Variants in EHBP1 observed in about 807,000 individuals in gnomAD.
The protein encoded by EHBP1 is EH domain binding protein 1.
In EHBP1, 55 loss-of-function variants were observed where a neutral mutation model predicts 144.0. The observed-to-expected ratio is 0.38, with a 90% confidence interval of 0.31 to 0.48. The LOEUF (loss-of-function observed/expected upper bound fraction) is 0.48, where lower values mean the gene tolerates loss of function less well. Among genes scored for constraint, EHBP1 ranks in the 20% least tolerant of loss-of-function variants. EHBP1 has a pLI of 0.98. For missense variants in EHBP1, 1,200 were observed against 1,364.2 expected (o/e 0.88, Z 1.90); for synonymous variants, 469 against 472.7 (o/e 0.99, Z 0.10).
intron 19 of EHBP1, among the ~76,000 whole-genome samples, chr2:63,024,008 G>C (rs375123985): frequency 1.3e-5 from 2 of 152,066 alleles, no homozygotes; most frequent in African/African-American, 4.8e-5. Flanking sequence ...CCAATGCAAG[G>C]TCTGGTGGTT....
At chr2:62,723,018 A>G (rs967343641) in intron 2 of EHBP1, among the ~76,000 whole-genome samples, 3 of 152,188 alleles carry the variant, frequency 2.0e-5, no homozygotes, top group African/African-American at 7.2e-5. Context: ...GATGTCTATG[A>G]GGTCCATTTG....
rs2056832491 is a variant in EHBP1, at chr2:62,942,710, T to G, written c.1186-8T>G. 1.9e-6 allele frequency: 3 copies of G among 1,553,788 alleles called. No homozygotes were observed. In the East Asian group the frequency reaches 6.8e-5, roughly 35 times the overall value. ...TTTTAATGTTTTCCCCTTTTCATTTTTTTCTAGCCAAGCCCTATACCAAGT... is the reference window on the plus strand; with the variant it reads ...TTTTAATGTTTTCCCCTTTTCATTTGTTTCTAGCCAAGCCCTATACCAAGT... On this transcript the variant is annotated splice_polypyrimidine_tract_variant and splice_region_variant and intron_variant, in intron 10 of 22. Transcript: ENST00000431489.
At chr2:62,879,638 A>G (rs1274486718) in intron 10 of EHBP1, among the ~76,000 whole-genome samples, 3 of 151,616 alleles carry the variant, frequency 2.0e-5, no homozygotes, top group East Asian at 3.9e-4. Flanking sequence ...GAGCCTATGA[A>G]TACAGCTAAC....
intron 7 of EHBP1, among the ~76,000 whole-genome samples, chr2:62,844,531 A>G (rs757009187): frequency 1.5e-4 from 23 of 152,122 alleles, no homozygotes; most frequent in Non-Finnish European, 2.5e-4. Flanking sequence ...AAATTATGAA[A>G]CCATATGGTT....
At chr2:62,945,892 A>G (rs2057033792) in intron 12 of EHBP1, among the ~76,000 whole-genome samples, 1 of 152,230 alleles carries the variant, frequency 6.6e-6, no homozygotes, top group Admixed American at 6.5e-5. Flanking sequence ...TAGTTTTCTT[A>G]CAGAAATTAC....
At chr2:62,858,894 T>C (rs1314912914) in intron 7 of EHBP1, among the ~76,000 whole-genome samples, 1 of 152,220 alleles carries the variant, frequency 6.6e-6, no homozygotes, top group East Asian at 1.9e-4. Context: ...TCAACACTTT[T>C]TTTATTGGCT....
chr2:63,026,252 G>A (rs1161087767), intron 19 of EHBP1, among the ~76,000 whole-genome samples: 1 of 150,550 alleles, frequency 6.6e-6, no homozygotes, highest in Non-Finnish European at 1.5e-5. Context: ...TAGGAATCAA[G>A]AGAGGATACC....
At chr2:62,840,250 A>G (rs1207805274) in intron 7 of EHBP1, among the ~76,000 whole-genome samples, 2 of 150,510 alleles carry the variant, frequency 1.3e-5, no homozygotes, top group African/African-American at 4.9e-5. Flanking sequence ...AGGAATCCCT[A>G]TTTAATAAAT....
intron 10 of EHBP1, among the ~76,000 whole-genome samples, chr2:62,882,347 A>C (rs1188370894): frequency 2.0e-5 from 3 of 152,204 alleles, no homozygotes; most frequent in Non-Finnish European, 4.4e-5. Context: ...CAGATGGTAG[A>C]AATATAAGGC....
At chr2:63,005,334 A>C (rs1194306760) in intron 19 of EHBP1, among the ~76,000 whole-genome samples, 2 of 152,100 alleles carry the variant, frequency 1.3e-5, no homozygotes, top group Non-Finnish European at 2.9e-5. Flanking sequence ...TATTACCAAG[A>C]AGCCAGATCC....
At chr2:62,913,202 G>A (rs574546941) in intron 10 of EHBP1, among the ~76,000 whole-genome samples, 27 of 152,234 alleles carry the variant, frequency 1.8e-4, no homozygotes, top group Non-Finnish European at 2.5e-4. Flanking sequence ...CTTTTTTAAA[G>A]CATTTATGTT....
intron 10 of EHBP1, among the ~76,000 whole-genome samples, chr2:62,891,684 A>G (rs1364535465): frequency 6.6e-6 from 1 of 152,128 alleles, no homozygotes; most frequent in Non-Finnish European, 1.5e-5. Context: ...TATATATATT[A>G]TATATTGGCT....
In EHBP1 at chr2:62,777,528, A is replaced by C. The variant is rs149946137; in HGVS notation, c.312+6136A>C. 3.4e-3 allele frequency among the ~76,000 whole-genome samples: 517 copies of C among 152,204 alleles called. 2 individuals are homozygous for C. Among genetic ancestry groups the C allele is most frequent in the African/African-American group, 0.012 (483 of 41,544 alleles). On this transcript the variant is annotated intron_variant, in intron 5 of 22. Transcript: ENST00000431489. The stretch of plus-strand genomic sequence containing the variant: ...TTTTTCTCCCACATTTTTTTCTGTG[A>C]AATTGGGATCATCTTATATCTAGGA...
At chr2:62,729,378 TAA>T (rs1489900493) in intron 2 of EHBP1, among the ~76,000 whole-genome samples, 1 of 121,360 alleles carries the variant, frequency 8.2e-6, no homozygotes, top group Non-Finnish European at 1.6e-5. Context: ...AATATAATAA[TAA>T]ATATCATATT....
At chr2:62,990,003 T>A (rs2059350532) in intron 15 of EHBP1, among the ~76,000 whole-genome samples, 2 of 152,106 alleles carry the variant, frequency 1.3e-5, no homozygotes, top group South Asian at 4.1e-4. Context: ...ATCCAGCAAA[T>A]GGTGGACATA....
At chr2:62,745,306 G>A (rs868598974) in intron 2 of EHBP1, among the ~76,000 whole-genome samples, 25 of 151,310 alleles carry the variant, frequency 1.7e-4, no homozygotes, top group African/African-American at 5.1e-4. Context: ...AAGGTGTATA[G>A]AGTATTAAAA....
At chr2:62,724,641 G>A (rs1558552882) in intron 2 of EHBP1, among the ~76,000 whole-genome samples, 1 of 145,540 alleles carries the variant, frequency 6.9e-6, no homozygotes, top group Non-Finnish European at 1.5e-5. Context: ...CCTTTGGATA[G>A]TTTTTTTTTT....
At chr2:62,674,332 G>A (rs1007394480) in intron 1 of EHBP1, among the ~76,000 whole-genome samples, 1 of 152,154 alleles carries the variant, frequency 6.6e-6, no homozygotes, top group Non-Finnish European at 1.5e-5. Context: ...CTGGCTGCTA[G>A]GCAATACTTG....
At chr2:62,696,508 C>CTTTTTTTTTTTTTTTTTTTTTTTTTT (rs869081763) in intron 1 of EHBP1, among the ~76,000 whole-genome samples, 10 of 76,748 alleles carry the variant, frequency 1.3e-4, no homozygotes, top group South Asian at 5.6e-4. Flanking sequence ...TTTTTTTCTT[C>CTTTTTTTTTTTTTTTTTTTTTTTTTT]TTTTTTTTTT....
Sources: allele counts gnomAD v4.1 joint callset (sites outside exome capture counted in the v4.1 genomes callset), GRCh38; gene constraint gnomAD v4.1.1; transcripts MANE v1.5; gene names NCBI Gene and HGNC (gene_info 2026-07-23, HGNC 2026-07-21).